Variants in ZNF124 observed in about 807,000 individuals in gnomAD.
The protein encoded by ZNF124 is zinc finger protein HZF-16.
A neutral mutation model predicts 26.6 loss-of-function variants in ZNF124; 25 were observed. That is an observed-to-expected ratio of 0.94 (90% CI 0.68 to 1.31). ZNF124 has a LOEUF of 1.31. ZNF124 is among the 40% of genes most tolerant of loss of function. The probability of loss-of-function intolerance (pLI) is 0.00; values close to 1 mark genes in which losing one functional copy is unlikely to be tolerated. For synonymous variants in ZNF124, 129 were observed against 133.3 expected (o/e 0.97, Z 0.22); for missense variants, 444 against 422.2 (o/e 1.05, Z -0.45).
downstream of ZNF124, among the ~76,000 whole-genome samples, chr1:247,152,904 C>T (rs75444415): frequency 1.1e-4 from 16 of 152,172 alleles, no homozygotes; most frequent in East Asian, 2.3e-3. Context: ...GAGGCCAAGG[C>T]GGGCGGATCA....
chr1:247,155,965 T>C lies in ZNF124; in HGVS notation c.*601A>G, dbSNP rs1235958079. On this transcript the variant is annotated 3_prime_UTR_variant, in exon 4 of 4. Coordinates refer to ENST00000543802, the MANE Select transcript of ZNF124 (RefSeq NM_001297568.2). ...AAAATGAGCAACCAATATATTCAAT[T>C]TATTTATAGCTCCTAAAACATCTCA... The C allele has an allele frequency of 1.1e-6, 1 of 940,386 alleles. No individual in the cohort carries two copies. The highest frequency in any genetic ancestry group is 1.3e-6 in the Non-Finnish European group (1 of 789,238). 58.3% of individuals were successfully genotyped at this position (940,386 alleles called of 1,614,324 possible).
chr1:247,125,430 CTTTTTTTTTTTTTTTT>C lies in ZNF124; in HGVS notation c.219-1575_219-1560del, dbSNP rs71566695. ...TATCTTCACCGACACCTGTTTTTGTCTTTTTTTTTTTTTTTTTTTTTTTTTTTTTTTTGAGGCAGAG... is the reference window on the plus strand; with the variant it reads ...TATCTTCACCGACACCTGTTTTTGTCTTTTTTTTTTTTTTTTGAGGCAGAG... On this transcript the variant is annotated intron_variant, in intron 3 of 3. Coordinates refer to the ZNF124 transcript ENST00000472531. Among the ~76,000 whole-genome samples, 53 of 43,296 alleles carry C rather than the reference CTTTTTTTTTTTTTTTT, an allele frequency of 1.2e-3. 1 individual carries two copies. The highest frequency in any genetic ancestry group is 0.056 in the Middle Eastern group (1 of 18). The allele number at this position is 43,296 out of a possible 152,430, so 28.4% of individuals were successfully genotyped here. A position where few individuals can be genotyped will look rare whatever the true frequency, so the allele number is the denominator to read the frequency against.
chr1:247,127,556 G>A (rs1402020151), intron 3 of ZNF124, among the ~76,000 whole-genome samples: 2 of 134,310 alleles, frequency 1.5e-5, no homozygotes, highest in African/African-American at 2.7e-5. Context: ...CAGACAGCCC[G>A]GCGCCGCGTC....
At chr1:247,149,436 G>A (rs777862081) in intron 3 of ZNF124, among the ~76,000 whole-genome samples, 5 of 152,060 alleles carry the variant, frequency 3.3e-5, no homozygotes, top group South Asian at 2.1e-4. Flanking sequence ...CCAAAGACAC[G>A]GAAACAACCT....
chr1:247,127,762 TG>T (rs1338436171), intron 3 of ZNF124, among the ~76,000 whole-genome samples: 3 of 149,510 alleles, frequency 2.0e-5, no homozygotes, highest in African/African-American at 7.3e-5. Flanking sequence ...CCCTTAGAGC[TG>T]TAAGCCCTTA....
At chr1:247,130,832 C>T (rs1019238206) in intron 3 of ZNF124, among the ~76,000 whole-genome samples, 3 of 152,178 alleles carry the variant, frequency 2.0e-5, no homozygotes, top group Admixed American at 6.5e-5. Context: ...AATCCCAGCA[C>T]TTTGGGAGGC....
intron 3 of ZNF124, among the ~76,000 whole-genome samples, chr1:247,135,929 CAT>C (rs1306625495): frequency 1.3e-5 from 2 of 152,186 alleles, no homozygotes; most frequent in African/African-American, 4.8e-5. Context: ...ACAAACACCA[CAT>C]GATTCTCTCA....
Position 247,157,113 on chromosome 1 carries a change from C to T in ZNF124, c.509G>A (p.Arg170Lys). Residue 170 changes from arginine to lysine, a missense_variant, in exon 4 of 4, where the codon AGG becomes AAG. Coordinates refer to ENST00000543802, the MANE Select transcript of ZNF124 (RefSeq NM_001297568.2). Reference protein sequence around the residue: ...GFSRSLNRHKRIHTGEKRYEC... With the variant: ...GFSRSLNRHKKIHTGEKRYEC... ...ATAGCGTTTTTCTCCAGTGTGAATC[C>T]TTTTATGTCTATTAAGAGAACGGGA... is the stretch of plus-strand genomic sequence containing the variant. The T allele has an allele frequency of 1.2e-6, 2 of 1,613,996 alleles. No homozygotes were observed. The highest frequency in any genetic ancestry group is 1.1e-5 in the South Asian group (1 of 91,066).
chr1:247,128,167 A>G (rs1164948011), intron 3 of ZNF124, among the ~76,000 whole-genome samples: 1 of 152,168 alleles, frequency 6.6e-6, no homozygotes, highest in Non-Finnish European at 1.5e-5. Flanking sequence ...GTAATTGTTT[A>G]TCATGTTTTC....
chr1:247,137,749 A>C (rs1672521879), intron 3 of ZNF124, among the ~76,000 whole-genome samples: 1 of 152,178 alleles, frequency 6.6e-6, no homozygotes, highest in South Asian at 2.1e-4. Context: ...CAAGGAACTT[A>C]AATATATTTA....
intron 1 of ZNF124, 90 bp from the exon 2 acceptor site, chr1:247,159,903 T>C: frequency 2.7e-6 from 4 of 1,470,140 alleles, no homozygotes; most frequent in South Asian, 1.4e-5. Context: ...TCTGATTCTG[T>C]GGCGAACATT....
chr1:247,135,803 C>G (rs1252954195), intron 3 of ZNF124, among the ~76,000 whole-genome samples: 1 of 152,150 alleles, frequency 6.6e-6, no homozygotes, highest in Non-Finnish European at 1.5e-5. Context: ...AAACTGAATC[C>G]AGCAGTACAT....
intron 3 of ZNF124, among the ~76,000 whole-genome samples, chr1:247,147,897 T>A (rs951538862): frequency 7.9e-5 from 12 of 152,174 alleles, no homozygotes; most frequent in African/African-American, 2.9e-4. Flanking sequence ...CTCCATTGTT[T>A]TGTGACATTT....
downstream of ZNF124, among the ~76,000 whole-genome samples, chr1:247,153,710 A>G (rs1160285710): frequency 3.9e-5 from 6 of 152,118 alleles, no homozygotes; most frequent in Non-Finnish European, 1.5e-5. Flanking sequence ...AAACCACCTA[A>G]GCCTCCAGTG....
At chr1:247,137,487 C>CAAAAAAAAAAAAAAAAAAAAAAAAA (rs56926662) in intron 3 of ZNF124, among the ~76,000 whole-genome samples, 1 of 81,634 alleles carries the variant, frequency 1.2e-5, no homozygotes, top group Non-Finnish European at 2.4e-5. Flanking sequence ...ACTAAAAATA[C>CAAAAAAAAAAAAAAAAAAAAAAAAA]AAAAAAAAAA....
chr1:247,153,678 C>G (rs974417422), downstream of ZNF124, among the ~76,000 whole-genome samples: 1 of 152,074 alleles, frequency 6.6e-6, no homozygotes, highest in Admixed American at 6.5e-5. Flanking sequence ...GAGTTCAGAA[C>G]CCCAGCAACC....
At position 247,141,582 on chromosome 1, in the gene ZNF124, T is replaced by G. The variant is rs116295317; in HGVS notation, c.218+17424A>C. ...AAGGCAGCAGGGATAGAACTATTAC[T>G]GTGGCAATGGCAGAGGGGCTGTCAT... On this transcript the variant is annotated intron_variant, in intron 3 of 3. Coordinates refer to the ZNF124 transcript ENST00000472531. Among the ~76,000 whole-genome samples, 415 of 152,278 alleles carry G rather than the reference T, an allele frequency of 2.7e-3. 5 individuals carry two copies. The highest frequency in any genetic ancestry group is 9.5e-3 in the African/African-American group (395 of 41,556).
downstream of ZNF124, among the ~76,000 whole-genome samples, chr1:247,152,116 A>G (rs987393676): frequency 1.3e-5 from 2 of 149,252 alleles, no homozygotes; most frequent in Admixed American, 6.7e-5. Flanking sequence ...TTAAAACTAT[A>G]TGGTGCTATC....
exon 4 of ZNF124, chr1:247,123,815 T>G (rs963837516): frequency 7.7e-5 from 54 of 701,652 alleles, no homozygotes; most frequent in Middle Eastern, 2.3e-4. Context: ...CCCAGCCTCT[T>G]AGTAGCTGTG....
Sources: gnomAD v4.1 joint callset for allele counts (sites outside exome capture counted in the v4.1 genomes callset) on GRCh38, gnomAD v4.1.1 for gene constraint, MANE v1.5 for transcripts, NCBI Gene and HGNC (gene_info 2026-07-23, HGNC 2026-07-21) for gene names.